SND1: variants seen among roughly 807,000 people sequenced by gnomAD.
SND1 encodes the protein staphylococcal nuclease and tudor domain containing 1.
In SND1, 38 loss-of-function variants were observed where a neutral mutation model predicts 121.7. The observed-to-expected ratio is 0.31, with a 90% CI of 0.24 to 0.41. The LOEUF (loss-of-function observed/expected upper bound fraction) is 0.41. Ranked by LOEUF, SND1 falls within the 10% of genes least tolerant of loss-of-function variation. The pLI is 1.00. For missense variants in SND1, 868 were observed against 1,184.6 expected (o/e 0.73, Z 3.92); for synonymous variants, 401 against 447.4 (o/e 0.90, Z 1.31).
intron 10 of SND1, among the ~76,000 whole-genome samples, chr7:127,801,026 A>C (rs1798117517): frequency 6.6e-6 from 1 of 152,098 alleles, no homozygotes; most frequent in Non-Finnish European, 1.5e-5. Flanking sequence ...TGTGTATTCC[A>C]TTGGGTGACT....
intron 16 of SND1, among the ~76,000 whole-genome samples, chr7:128,050,763 C>A (rs1793031500): frequency 6.6e-6 from 1 of 152,198 alleles, no homozygotes; most frequent in African/African-American, 2.4e-5. Context: ...ATGACCCAGC[C>A]AGCCTTTTCC....
rs1470062805 is a variant in SND1, at chr7:127,718,311, T to C, written c.1039-2976T>C. ...AAAATGTGGTCCGTAATGGTGCTGA[T>C]GAGCTGGCTTCAGACAGTAATCCAC... On this transcript the variant is annotated intron_variant, in intron 9 of 23. Coordinates refer to ENST00000354725, the MANE Select transcript of SND1 (RefSeq NM_014390.4). Among the ~76,000 whole-genome samples, 3 of 152,174 alleles carry C rather than the reference T, an allele frequency of 2.0e-5. No homozygotes were observed. In the East Asian group the frequency reaches 5.8e-4, roughly 29 times the overall value.
At chr7:127,815,336 G>C (rs1015492500) in intron 11 of SND1, among the ~76,000 whole-genome samples, 2 of 151,876 alleles carry the variant, frequency 1.3e-5, no homozygotes, top group African/African-American at 4.9e-5. Context: ...ATAAGAAGAC[G>C]ATCTATAGCC....
At chr7:127,859,774 T>A (rs1799344966) in intron 12 of SND1, among the ~76,000 whole-genome samples, 2 of 152,112 alleles carry the variant, frequency 1.3e-5, no homozygotes, top group African/African-American at 4.8e-5. Context: ...TTGTCTGGTG[T>A]GGGGTCTGGC....
At chr7:127,753,288 T>C (rs1186016180) in intron 10 of SND1, among the ~76,000 whole-genome samples, 2 of 152,068 alleles carry the variant, frequency 1.3e-5, no homozygotes, top group Non-Finnish European at 2.9e-5. Context: ...GAATGGAAAT[T>C]TTTACCAATA....
At chr7:128,046,231 G>A (rs57683992) in intron 16 of SND1, among the ~76,000 whole-genome samples, 2,127 of 152,120 alleles carry the variant, frequency 0.014, 60 homozygotes, top group African/African-American at 0.049. Context: ...CTGCCTAGCT[G>A]GGACTATAGA....
At chr7:127,925,988 G>A (rs1372561869) in intron 14 of SND1, among the ~76,000 whole-genome samples, 2 of 151,740 alleles carry the variant, frequency 1.3e-5, no homozygotes, top group East Asian at 3.9e-4. Flanking sequence ...AGAGACTGAA[G>A]CACATTGCTA....
chr7:127,715,727 A>G (rs1219072541), intron 9 of SND1, among the ~76,000 whole-genome samples: 1 of 152,198 alleles, frequency 6.6e-6, no homozygotes, highest in African/African-American at 2.4e-5. Flanking sequence ...CATGAAATCT[A>G]ATTTGTATTT....
At chr7:127,847,715 A>G (rs765479289) in intron 12 of SND1, among the ~76,000 whole-genome samples, 57 of 152,346 alleles carry the variant, frequency 3.7e-4, no homozygotes, top group Admixed American at 6.5e-5. Context: ...TTTTTAAAGC[A>G]TGTGTTATTG....
chr7:127,684,749 T>A (rs762029785), intron 1 of SND1, among the ~76,000 whole-genome samples: 3 of 152,188 alleles, frequency 2.0e-5, no homozygotes, highest in Non-Finnish European at 4.4e-5. Flanking sequence ...AGCGTGCCTG[T>A]AACTGGATTA....
intron 16 of SND1, among the ~76,000 whole-genome samples, chr7:128,000,919 G>T (rs1253038258): frequency 6.6e-6 from 1 of 152,162 alleles, no homozygotes; most frequent in Non-Finnish European, 1.5e-5. Context: ...TGTTTCACAT[G>T]TGACTCGCCC....
chr7:127,852,423 A>C (rs561395280), intron 12 of SND1, among the ~76,000 whole-genome samples: 27 of 150,508 alleles, frequency 1.8e-4, no homozygotes, highest in African/African-American at 6.1e-4. Flanking sequence ...TGGAGGCAGA[A>C]GTTGCTGTGA....
At chr7:127,753,894 C>A (rs1471169755) in intron 10 of SND1, among the ~76,000 whole-genome samples, 4 of 152,198 alleles carry the variant, frequency 2.6e-5, no homozygotes, top group Admixed American at 2.6e-4. Context: ...CCATCCAGAT[C>A]TCAGTGAGGA....
chr7:127,742,038 A>T (rs531505514), intron 10 of SND1, among the ~76,000 whole-genome samples: 32 of 152,334 alleles, frequency 2.1e-4, no homozygotes, highest in Non-Finnish European at 4.0e-4. Context: ...CTTAGCCAGA[A>T]GGTAAGTCTT....
chr7:128,025,293 A>G (rs193266202), intron 16 of SND1, among the ~76,000 whole-genome samples: 1 of 152,310 alleles, frequency 6.6e-6, no homozygotes, highest in Non-Finnish European at 1.5e-5. Context: ...CCTGGGTGAG[A>G]AAGCACATTG....
At chr7:127,652,497 G>T (rs1249202090) in intron 1 of SND1, 46 bp downstream of exon 1, 3 of 1,480,982 alleles carry the variant, frequency 2.0e-6, no homozygotes, top group Non-Finnish European at 2.7e-6. Context: ...GCCTTCGGGC[G>T]GGAGTCAGGC....
chr7:127,944,100 T>C (rs1198503762), intron 15 of SND1, among the ~76,000 whole-genome samples: 1 of 152,216 alleles, frequency 6.6e-6, no homozygotes, highest in East Asian at 1.9e-4. Flanking sequence ...CTTGAATGCA[T>C]TTGTGCAGAT....
intron 15 of SND1, among the ~76,000 whole-genome samples, chr7:127,962,400 C>G (rs1801753655): frequency 6.6e-6 from 1 of 152,208 alleles, no homozygotes; most frequent in South Asian, 2.1e-4. Flanking sequence ...TGCATTTCTA[C>G]TCCCTTAATC....
At chr7:127,762,744 C>G (rs1264510260) in intron 10 of SND1, among the ~76,000 whole-genome samples, 1 of 152,178 alleles carries the variant, frequency 6.6e-6, no homozygotes, top group African/African-American at 2.4e-5. Flanking sequence ...CTCAGAGTGT[C>G]TGAAGCAAGC....
Sources: gnomAD v4.1 joint callset for allele counts (sites outside exome capture counted in the v4.1 genomes callset) on GRCh38, gnomAD v4.1.1 for gene constraint, MANE v1.5 for transcripts, NCBI Gene and HGNC (gene_info 2026-07-23, HGNC 2026-07-21) for gene names.